Variants in KLRB1 observed in about 807,000 individuals in gnomAD.
The protein encoded by KLRB1 is killer cell lectin like receptor B1, also known as killer cell lectin-like receptor subfamily B member 1.
A neutral mutation model predicts 33.5 loss-of-function variants in KLRB1; 27 were observed. The ratio of observed to expected loss-of-function variants is 0.81; its 90% CI spans 0.59 to 1.11. KLRB1 has a LOEUF of 1.11. KLRB1 is among the 50% of genes most tolerant of loss of function. The pLI is 0.00. For synonymous variants in KLRB1, 64 were observed against 88.9 expected, an observed-to-expected ratio of 0.72 and a Z score of 1.58; for missense variants, 241 against 254.1, an observed-to-expected ratio of 0.95 and a Z score of 0.35.
chr12:9,599,764 T>C lies in KLRB1; in HGVS notation c.259+3A>G. 1 of 1,576,238 alleles carries C rather than the reference T, an allele frequency of 6.3e-7. No homozygotes were observed. The highest frequency in any genetic ancestry group is 1.1e-5 in the South Asian group (1 of 90,248). On this transcript the variant is annotated splice_donor_region_variant and intron_variant, in intron 3 of 5. Transcript: ENST00000229402. Reference sequence around the variant, plus strand: ...TCTTAGGAAATTGAAGCCACACAATTACCTGTTGTTTTATTCCTGCTCTGT... The same window carrying C: ...TCTTAGGAAATTGAAGCCACACAATCACCTGTTGTTTTATTCCTGCTCTGT...
At chr12:9,605,275 G>A (rs1445785373) in intron 1 of KLRB1, among the ~76,000 whole-genome samples, 2 of 152,116 alleles carry the variant, frequency 1.3e-5, no homozygotes, top group South Asian at 2.1e-4. Flanking sequence ...CTTTGCTATT[G>A]TGAATGCTGC....
rs1864639079 is a variant in KLRB1, at chr12:9,607,691, T to C, written c.85+64A>G. 5.6e-6 allele frequency: 6 copies of C among 1,071,514 alleles called. No individual in the cohort carries two copies. The South Asian group carries it at 6.3e-5, about 11-fold the overall frequency. 66.4% of individuals were successfully genotyped at this position (1,071,514 alleles called of 1,614,324 possible). On this transcript the variant is annotated intron_variant, in intron 1 of 5. Coordinates refer to ENST00000229402, the MANE Select transcript of KLRB1 (RefSeq NM_002258.3). The stretch of plus-strand genomic sequence containing the variant: ...TAAAGCAATGATTTAAAGCCATAAA[T>C]GTAACAGGAAGATCTAATTCTGGAA...
intron 1 of KLRB1, among the ~76,000 whole-genome samples, chr12:9,601,990 T>C (rs188887549): frequency 1.3e-5 from 2 of 152,374 alleles, no homozygotes; most frequent in Non-Finnish European, 2.9e-5. Context: ...GACCTTCATT[T>C]AGTCAAGATA....
intron 4 of KLRB1, 134 bp downstream of exon 4, chr12:9,598,365 T>G (rs1484201917): frequency 1.3e-6 from 1 of 772,170 alleles, no homozygotes; most frequent in Admixed American, 2.6e-5. Flanking sequence ...TGTTTACATA[T>G]CCATGTAGTC....
intron 1 of KLRB1, 37 bp from the exon 2 acceptor site, chr12:9,601,636 A>ACAAC (rs764931644): frequency 2.1e-6 from 3 of 1,458,494 alleles, no homozygotes; most frequent in Non-Finnish European, 2.9e-6. Flanking sequence ...AAACAAACAA[A>ACAAC]CAAACGAAAC....
At chr12:9,607,364 C>CTTTCTTTCTT (rs1864627227) in intron 1 of KLRB1, among the ~76,000 whole-genome samples, 3 of 66,494 alleles carry the variant, frequency 4.5e-5, no homozygotes, top group African/African-American at 9.4e-5. Flanking sequence ...TCCTTTCTTT[C>CTTTCTTTCTT]TTTCTTTCTT....
At chr12:9,598,196 A>T in intron 4 of KLRB1, 35 bp from the exon 5 acceptor site, 3 of 1,352,286 alleles carry the variant, frequency 2.2e-6, no homozygotes, top group Non-Finnish European at 3.2e-6. Flanking sequence ...GAATCTGCTT[A>T]TCTATTCCTG....
At chr12:9,598,716 C>T in intron 3 of KLRB1, 63 bp from the exon 4 acceptor site, 2 of 1,127,152 alleles carry the variant, frequency 1.8e-6, no homozygotes, top group East Asian at 2.4e-5. Flanking sequence ...TGACACACCA[C>T]AACCAATCAC....
chr12:9,599,414 A>G (rs1007569213), intron 3 of KLRB1, among the ~76,000 whole-genome samples: 2 of 152,234 alleles, frequency 1.3e-5, no homozygotes, highest in Non-Finnish European at 2.9e-5. Context: ...AGTTCTATCA[A>G]TTAACTTCAG....
intron 1 of KLRB1, among the ~76,000 whole-genome samples, chr12:9,606,754 A>ATTTTT (rs1414913660): frequency 7.9e-5 from 2 of 25,420 alleles, no homozygotes; most frequent in African/African-American, 1.4e-4. Context: ...ATATATATAT[A>ATTTTT]TATATATTTT....
chr12:9,604,780 T>C (rs1864581795), intron 1 of KLRB1, among the ~76,000 whole-genome samples: 1 of 152,192 alleles, frequency 6.6e-6, no homozygotes, highest in African/African-American at 2.4e-5. Context: ...CACCGTCTCA[T>C]CTTTTATACT....
intron 1 of KLRB1, among the ~76,000 whole-genome samples, chr12:9,606,798 C>A (rs2120727243): frequency 7.5e-6 from 1 of 133,078 alleles, no homozygotes; most frequent in African/African-American, 2.8e-5. Context: ...GCTGTGTCAC[C>A]CAGGCTGGAG....
chr12:9,604,750 A>T (rs879262896), intron 1 of KLRB1, among the ~76,000 whole-genome samples: 1 of 152,024 alleles, frequency 6.6e-6, no homozygotes, highest in Admixed American at 6.6e-5. Context: ...CTATATTCAA[A>T]TCTTTCTCAA....
Position 9,607,800 on chromosome 12 carries a change from TG to T in KLRB1, c.39del (p.Thr14GlnfsTer28), listed in dbSNP as rs1864641304. 1 of 1,613,672 alleles carries T rather than the reference TG, an allele frequency of 6.2e-7. No individual in the cohort carries two copies. Among genetic ancestry groups the T allele is most frequent in the African/African-American group, 1.3e-5 (1 of 74,898 alleles). On this transcript the variant is annotated frameshift_variant, in exon 1 of 6. Transcript: ENST00000229402. LOFTEE classifies it high-confidence loss of function. ...GAAGAACTTTCTGGGCCTGAGTCTGTGGGTAAGTTTAACTCAGCATATATTG... is the reference window on the plus strand; with the variant it reads ...GAAGAACTTTCTGGGCCTGAGTCTGTGGTAAGTTTAACTCAGCATATATTG... ...QQAIYAELNLPTDSGPESSSP... is the reference protein window; with the variant it reads ...QQAIYAELNLXTDSGPESSSP...
chr12:9,600,783 T>C (rs936278480), intron 2 of KLRB1, among the ~76,000 whole-genome samples: 1 of 151,198 alleles, frequency 6.6e-6, no homozygotes, highest in Non-Finnish European at 1.5e-5. Flanking sequence ...GACCTCTGCC[T>C]AGGAAAGCCA....
chr12:9,606,924 T>G (rs751011725), intron 1 of KLRB1, among the ~76,000 whole-genome samples: 4 of 151,466 alleles, frequency 2.6e-5, no homozygotes, highest in African/African-American at 9.7e-5. Flanking sequence ...CTTGGCTATT[T>G]TTTTGTATTG....
intron 5 of KLRB1, among the ~76,000 whole-genome samples, chr12:9,595,759 A>G (rs1864486264): frequency 6.6e-6 from 1 of 152,222 alleles, no homozygotes; most frequent in Non-Finnish European, 1.5e-5. Flanking sequence ...TTACTGAGCC[A>G]CAGTTTTATT....
At position 9,595,097 on chromosome 12, in the gene KLRB1, T is replaced by G; in HGVS notation, c.*177A>C. 1 of 581,316 alleles carries G rather than the reference T, an allele frequency of 1.7e-6. No individual in the cohort carries two copies. The allele number at this position is 581,316 out of a possible 1,614,324, so 36.0% of individuals were successfully genotyped here. A position where few individuals can be genotyped will look rare whatever the true frequency, so the allele number is the denominator to read the frequency against. ...TTCTCTATGTCTCTGTTTCCTCATT[T>G]AATAGAATGAATATGATAAACATGA... On this transcript the variant is annotated 3_prime_UTR_variant, in exon 6 of 6. Coordinates refer to ENST00000229402, the MANE Select transcript of KLRB1 (RefSeq NM_002258.3).
chr12:9,596,259 G>A (rs1864491823), intron 5 of KLRB1, among the ~76,000 whole-genome samples: 2 of 152,072 alleles, frequency 1.3e-5, no homozygotes, highest in African/African-American at 4.8e-5. Context: ...TCTTCCTACT[G>A]CCCAACCTTC....
Sources: allele counts gnomAD v4.1 joint callset (sites outside exome capture counted in the v4.1 genomes callset), GRCh38; gene constraint gnomAD v4.1.1; transcripts MANE v1.5; gene names NCBI Gene and HGNC (gene_info 2026-07-23, HGNC 2026-07-21).